RHOJ: variants seen among roughly 807,000 people sequenced by gnomAD.
RHOJ encodes the protein ras homolog family member J, also known as rho-related GTP-binding protein RhoJ.
RHOJ carries 11 observed loss-of-function variants against 23.4 expected under a neutral mutation model. The ratio of observed to expected loss-of-function variants is 0.47; its 90% confidence interval spans 0.30 to 0.78. The LOEUF (loss-of-function observed/expected upper bound fraction) is 0.78, where lower values mean the gene tolerates loss of function less well. RHOJ is among the 30% of genes least tolerant of loss of function. The probability of loss-of-function intolerance (pLI) is 0.08; values close to 1 mark genes in which losing one functional copy is unlikely to be tolerated. For synonymous variants in RHOJ, 102 were observed against 102.7 expected, an observed-to-expected ratio of 0.99 and a Z score of 0.04; for missense variants, 254 against 273.4, an observed-to-expected ratio of 0.93 and a Z score of 0.50.
chr14:63,274,906 A>G (rs1881669727), intron 2 of RHOJ, among the ~76,000 whole-genome samples: 1 of 152,212 alleles, frequency 6.6e-6, no homozygotes, highest in Non-Finnish European at 1.5e-5. Flanking sequence ...TTGTACCAAA[A>G]AATCTGAGAT....
In RHOJ at chr14:63,246,528, C is replaced by T. The variant is rs1894979114; in HGVS notation, c.179-22582C>T. ...TTACAAAACCTGAGACTCTTTTTTT[C>T]CTGTACTATTAAAGTAAGAAATTAA... is the stretch of plus-strand genomic sequence containing the variant. On this transcript the variant is annotated intron_variant, in intron 1 of 4. Coordinates refer to ENST00000316754, the MANE Select transcript of RHOJ (RefSeq NM_020663.5). Among the ~76,000 whole-genome samples the T allele has an allele frequency of 2.0e-5, 3 of 152,032 alleles. No homozygotes were observed. The South Asian group carries it at 6.2e-4, about 32-fold the overall frequency.
chr14:63,261,583 C>A (rs1895273067), intron 1 of RHOJ, among the ~76,000 whole-genome samples: 1 of 150,992 alleles, frequency 6.6e-6, no homozygotes, highest in Admixed American at 6.6e-5. Flanking sequence ...TGATACACAC[C>A]ACCATGCCCA....
At chr14:63,260,992 G>A (rs1895262126) in intron 1 of RHOJ, among the ~76,000 whole-genome samples, 1 of 152,138 alleles carries the variant, frequency 6.6e-6, no homozygotes, top group Admixed American at 6.5e-5. Flanking sequence ...GATGTTTCCT[G>A]TTTAGGCTTT....
At chr14:63,219,574 T>C (rs1029751715) in intron 1 of RHOJ, among the ~76,000 whole-genome samples, 7 of 152,176 alleles carry the variant, frequency 4.6e-5, no homozygotes, top group Admixed American at 1.3e-4. Context: ...TCCCAGCACT[T>C]TGGGAGGCCA....
chr14:63,270,013 G>A (rs8015951), intron 2 of RHOJ, among the ~76,000 whole-genome samples: 11 of 152,144 alleles, frequency 7.2e-5, no homozygotes, highest in Non-Finnish European at 1.6e-4. Context: ...TTTTGTTACC[G>A]TATGTCTTGG....
intron 1 of RHOJ, among the ~76,000 whole-genome samples, chr14:63,210,913 T>C (rs910656610): frequency 6.6e-6 from 1 of 152,178 alleles, no homozygotes; most frequent in African/African-American, 2.4e-5. Flanking sequence ...CCCACCCTCC[T>C]AGAGCTTCTT....
chr14:63,212,945 T>C (rs538364618), intron 1 of RHOJ, among the ~76,000 whole-genome samples: 40 of 152,326 alleles, frequency 2.6e-4, no homozygotes, highest in African/African-American at 8.2e-4. Context: ...TGCCACAGTA[T>C]AACACAGATC....
chr14:63,269,743 T>C (rs1376244600), intron 2 of RHOJ, among the ~76,000 whole-genome samples: 1 of 152,220 alleles, frequency 6.6e-6, no homozygotes, highest in African/African-American at 2.4e-5. Flanking sequence ...TCTTGAAATA[T>C]TCTCACTTTG....
chr14:63,210,426 T>C (rs1894210158), intron 1 of RHOJ, among the ~76,000 whole-genome samples: 1 of 152,228 alleles, frequency 6.6e-6, no homozygotes, highest in African/African-American at 2.4e-5. Flanking sequence ...ATACAGAGCA[T>C]ATTTCAGAGT....
At chr14:63,246,099 G>C (rs2139635717) in intron 1 of RHOJ, among the ~76,000 whole-genome samples, 1 of 152,160 alleles carries the variant, frequency 6.6e-6, no homozygotes, top group Middle Eastern at 3.4e-3. Context: ...CAGGTTGCTG[G>C]GCCAAGCTCC....
chr14:63,283,423 T>A (rs556953763), intron 4 of RHOJ, among the ~76,000 whole-genome samples: 6 of 152,374 alleles, frequency 3.9e-5, no homozygotes, highest in South Asian at 2.1e-4. Context: ...TTGTCTGTTT[T>A]TCATTCAGAA....
chr14:63,254,647 C>T (rs1490847619), intron 1 of RHOJ, among the ~76,000 whole-genome samples: 4 of 151,936 alleles, frequency 2.6e-5, no homozygotes, highest in Admixed American at 6.6e-5. Context: ...AAGAGAGAAG[C>T]GGGATACCAA....
At position 63,256,764 on chromosome 14, in the gene RHOJ, C is replaced by T. The variant is rs150789010; in HGVS notation, c.179-12346C>T. 4.0e-3 allele frequency among the ~76,000 whole-genome samples: 615 copies of T among 152,204 alleles called. 15 individuals carry two copies. In the East Asian group the frequency reaches 0.056, roughly 14 times the overall value. On this transcript the variant is annotated intron_variant, in intron 1 of 4. Coordinates refer to ENST00000316754, the MANE Select transcript of RHOJ (RefSeq NM_020663.5). ...ACTAGCCTGGCCAACATGGTGAAAC[C>T]CTGTCTCTACTAAAAATACCAAAAA...
intron 1 of RHOJ, among the ~76,000 whole-genome samples, chr14:63,210,712 T>TTA: frequency 1.3e-5 from 2 of 152,240 alleles, no homozygotes; most frequent in Non-Finnish European, 2.9e-5. Flanking sequence ...AATGTTTCAC[T>TTA]TGACATATAG....
chr14:63,283,565 A>T (rs1334679138), intron 4 of RHOJ, among the ~76,000 whole-genome samples: 1 of 152,208 alleles, frequency 6.6e-6, no homozygotes, highest in African/African-American at 2.4e-5. Flanking sequence ...ACTGCTTATT[A>T]TGGATGTAGC....
Position 63,283,170 on chromosome 14 carries a change from A to T in RHOJ, c.452A>T (p.Lys151Ile). The T allele has an allele frequency of 6.2e-7, 1 of 1,614,180 alleles. No homozygotes were observed. Among genetic ancestry groups the T allele is most frequent in the Non-Finnish European group, 8.5e-7 (1 of 1,180,008 alleles). The change falls in exon 4 of 5, where the codon AAA becomes ATA. Residue 151 changes from lysine (K) to isoleucine (I), a missense_variant. Lys to Ile is a moderately radical substitution (Grantham distance 102, BLOSUM62 -3). Coordinates refer to ENST00000316754, the MANE Select transcript of RHOJ (RefSeq NM_020663.5). ...PKTLARLLYMKEKPLTYEHGV... is the reference protein window; with the variant it reads ...PKTLARLLYMIEKPLTYEHGV... ...ACCTTGGCCCGTTTGCTGTATATGA[A>T]AGAGAAACCTCTCACTTACGAGCAT...
intron 2 of RHOJ, among the ~76,000 whole-genome samples, chr14:63,277,235 G>A (rs1881745116): frequency 6.6e-6 from 1 of 152,174 alleles, no homozygotes; most frequent in Non-Finnish European, 1.5e-5. Context: ...AAATGTGAAT[G>A]TTGATGGTAC....
In RHOJ at chr14:63,284,449, G is replaced by C. The variant is rs1258192157; in HGVS notation, c.498+1233G>C. 3 of 703,180 alleles carry C rather than the reference G, an allele frequency of 4.3e-6. No homozygotes were observed. In the Admixed American group the frequency reaches 1.9e-4, roughly 44 times the overall value. The allele number at this position is 703,180 out of a possible 1,614,324, so 43.6% of individuals were successfully genotyped here. Reference sequence around the variant, plus strand: ...ATAACCCTCTTAAGCAGATAGCGTTGGTCTCAGCTTACAGATGAGGAAACA... The same window carrying C: ...ATAACCCTCTTAAGCAGATAGCGTTCGTCTCAGCTTACAGATGAGGAAACA... On this transcript the variant is annotated intron_variant, in intron 4 of 4. Transcript: ENST00000316754.
At chr14:63,250,415 T>C (rs1052226216) in intron 1 of RHOJ, among the ~76,000 whole-genome samples, 3 of 152,082 alleles carry the variant, frequency 2.0e-5, no homozygotes, top group Non-Finnish European at 4.4e-5. Context: ...ATCTTTGTAA[T>C]TTTTGTAGAG....
Sources: gnomAD v4.1 joint callset for allele counts (sites outside exome capture counted in the v4.1 genomes callset) on GRCh38, gnomAD v4.1.1 for gene constraint, MANE v1.5 for transcripts, NCBI Gene and HGNC (gene_info 2026-07-23, HGNC 2026-07-21) for gene names.